COL15A1: variants seen among roughly 807,000 people sequenced by gnomAD.
COL15A1 encodes collagen alpha-1(XV) chain.
Under a neutral mutation model 165.9 loss-of-function variants are expected in COL15A1, and 111 were observed. The ratio of observed to expected loss-of-function variants is 0.67; its 90% CI spans 0.57 to 0.78. The LOEUF is 0.78. COL15A1 is among the 30% of genes least tolerant of loss of function. COL15A1 has a pLI of 0.00. For synonymous variants in COL15A1, 659 were observed against 674.8 expected (o/e 0.98, Z 0.36); for missense variants, 1,745 against 1,789.7 (o/e 0.98, Z 0.45).
chr9:98,996,357 C>A (rs1476512011), intron 5 of COL15A1, among the ~76,000 whole-genome samples: 2 of 152,156 alleles, frequency 1.3e-5, no homozygotes, highest in Non-Finnish European at 2.9e-5. Flanking sequence ...GCTAGGATTT[C>A]TGCGTAGATC....
intron 5 of COL15A1, among the ~76,000 whole-genome samples, chr9:98,991,783 G>T (rs1838437212): frequency 6.6e-6 from 1 of 152,070 alleles, no homozygotes; most frequent in African/African-American, 2.4e-5. Flanking sequence ...TGATTGGTGT[G>T]TTTACAAACC....
chr9:98,956,538 G>A (rs1837779116), intron 2 of COL15A1, among the ~76,000 whole-genome samples: 1 of 152,020 alleles, frequency 6.6e-6, no homozygotes, highest in South Asian at 2.1e-4. Context: ...ATATATGTAT[G>A]TGTATCTGTG....
At chr9:99,041,922 T>C (rs1044051487) in intron 23 of COL15A1, 123 bp from the exon 24 acceptor site, 2 of 647,534 alleles carry the variant, frequency 3.1e-6, no homozygotes, top group African/African-American at 3.7e-5. Flanking sequence ...TAGGTAATCA[T>C]GACTTCCACC....
At chr9:99,023,559 G>A in intron 14 of COL15A1, 110 bp downstream of exon 14, 1 of 620,372 alleles carries the variant, frequency 1.6e-6, no homozygotes, top group Non-Finnish European at 3.0e-6. Context: ...CTGCTGCTGG[G>A]GTTGCCGGCA....
rs758460554 is a variant in COL15A1, at chr9:98,986,080, A to C, written c.616A>C (p.Asn206His). ...FESSAGIFMG[N>H]AGATGLERFT... ...GTCCAGCGCTGGAATCTTCATGGGC[A>C]ATGCAGGAGCTACAGGGCTCGAGAG... The change falls in exon 3 of 42, where the codon AAT (asparagine) becomes CAT (histidine). Residue 206 changes from asparagine to histidine, a missense_variant. Coordinates refer to ENST00000375001, the MANE Select transcript of COL15A1 (RefSeq NM_001855.5). 6.2e-7 allele frequency: 1 copy of C among 1,613,796 alleles called. No homozygotes were observed. The highest frequency in any genetic ancestry group is 1.1e-5 in the South Asian group (1 of 91,076).
intron 24 of COL15A1, among the ~76,000 whole-genome samples, chr9:99,043,563 G>C (rs1185310852): frequency 3.9e-5 from 6 of 152,144 alleles, no homozygotes; most frequent in Non-Finnish European, 8.8e-5. Flanking sequence ...ATGCTTTTGT[G>C]CTTGCTTCTT....
intron 24 of COL15A1, among the ~76,000 whole-genome samples, chr9:99,042,388 A>G (rs987183085): frequency 2.0e-5 from 3 of 152,174 alleles, no homozygotes; most frequent in African/African-American, 7.2e-5. Flanking sequence ...TTTAATCTCC[A>G]GGTTCTCTAT....
chr9:99,053,516 C>T (rs1825660468), intron 31 of COL15A1, among the ~76,000 whole-genome samples: 1 of 152,228 alleles, frequency 6.6e-6, no homozygotes, highest in South Asian at 2.1e-4. Context: ...GATGTGACAG[C>T]TCCTAGTGAG....
intron 2 of COL15A1, among the ~76,000 whole-genome samples, chr9:98,970,888 G>T (rs974384173): frequency 6.6e-6 from 1 of 152,164 alleles, no homozygotes. Context: ...GTATATCTAT[G>T]TGTTAGTTTG....
intron 9 of COL15A1, among the ~76,000 whole-genome samples, chr9:99,011,373 G>A: frequency 7.8e-6 from 1 of 127,902 alleles, no homozygotes; most frequent in African/African-American, 3.1e-5. Context: ...GACATGCTTG[G>A]ACTTTCTAGT....
At chr9:99,006,179 C>T (rs532146130) in intron 9 of COL15A1, among the ~76,000 whole-genome samples, 1 of 152,350 alleles carries the variant, frequency 6.6e-6, no homozygotes, top group Non-Finnish European at 1.5e-5. Context: ...AGATGTCATT[C>T]CAGACTGTGA....
intron 36 of COL15A1, among the ~76,000 whole-genome samples, chr9:99,060,540 G>T (rs993970352): frequency 6.6e-6 from 1 of 150,502 alleles, no homozygotes; most frequent in Non-Finnish European, 1.5e-5. Flanking sequence ...CCAAAGTGCT[G>T]GGAGTACAGA....
chr9:98,967,187 T>A (rs1336646626), intron 2 of COL15A1, among the ~76,000 whole-genome samples: 1 of 152,112 alleles, frequency 6.6e-6, no homozygotes, highest in Non-Finnish European at 1.5e-5. Flanking sequence ...AACAGAGTAG[T>A]GAGAAATTGG....
chr9:99,011,619 C>A (rs1054075331), intron 9 of COL15A1, among the ~76,000 whole-genome samples: 3 of 151,918 alleles, frequency 2.0e-5, no homozygotes, highest in Non-Finnish European at 4.4e-5. Context: ...AATTATTCAC[C>A]TTTTAAAAAA....
At chr9:98,971,616 G>C (rs1838055183) in intron 2 of COL15A1, among the ~76,000 whole-genome samples, 1 of 152,208 alleles carries the variant, frequency 6.6e-6, no homozygotes, top group South Asian at 2.1e-4. Flanking sequence ...GTTGAGGGAA[G>C]GGGGTAAAGG....
chr9:99,056,893 T>C (rs1194412901), intron 35 of COL15A1, among the ~76,000 whole-genome samples: 8 of 152,242 alleles, frequency 5.3e-5, no homozygotes, highest in Admixed American at 2.0e-4. Context: ...CATTCCTTAC[T>C]GTGGCCAAAT....
rs78542330 is a variant in COL15A1 at position 99,020,697 on chromosome 9, G to A, written c.1701+255G>A. ...CTCCGTGGGCCTTGGCTTCTCTGTC[G>A]AGTATCAAAGGGTCCTATGATTCCA... is the stretch of plus-strand genomic sequence containing the variant. On this transcript the variant is annotated intron_variant, in intron 12 of 41. Coordinates refer to ENST00000375001, the MANE Select transcript of COL15A1 (RefSeq NM_001855.5). Among the ~76,000 whole-genome samples, 529 of 152,278 alleles carry A rather than the reference G, an allele frequency of 3.5e-3. 1 individual carries two copies. Among genetic ancestry groups the A allele is most frequent in the Non-Finnish European group, 3.8e-3 (261 of 68,028 alleles).
chr9:99,041,786 G>C (rs1036949192), intron 23 of COL15A1, among the ~76,000 whole-genome samples: 10 of 152,156 alleles, frequency 6.6e-5, no homozygotes, highest in Non-Finnish European at 1.5e-5. Flanking sequence ...GGCTGGATCA[G>C]TAGTGCCCAG....
chr9:98,966,146 T>C (rs1837952807), intron 2 of COL15A1, among the ~76,000 whole-genome samples: 1 of 152,124 alleles, frequency 6.6e-6, no homozygotes, highest in Non-Finnish European at 1.5e-5. Context: ...CCTAGGGAGA[T>C]GTAAATTATG....
Sources: gnomAD v4.1 joint callset for allele counts (sites outside exome capture counted in the v4.1 genomes callset) on GRCh38, gnomAD v4.1.1 for gene constraint, MANE v1.5 for transcripts, NCBI Gene and HGNC (gene_info 2026-07-23, HGNC 2026-07-21) for gene names.